AMPD3: variants seen among roughly 807,000 people sequenced by gnomAD.
AMPD3 encodes AMP deaminase 3.
AMPD3 carries 57 observed loss-of-function variants against 82.3 expected under a neutral mutation model. The ratio of observed to expected loss-of-function variants is 0.69; its 90% CI spans 0.56 to 0.86. The LOEUF is 0.86. Ranked by LOEUF, AMPD3 falls within the 40% of genes least tolerant of loss-of-function variation. AMPD3 has a pLI of 0.00. For missense variants in AMPD3, 870 were observed against 1,003.8 expected (o/e 0.87, Z 1.80); for synonymous variants, 381 against 394.7 (o/e 0.97, Z 0.41).
At position 10,482,070 on chromosome 11, in the gene AMPD3, T is replaced by C; in HGVS notation, c.434T>C (p.Leu145Ser). 6.2e-7 allele frequency: 1 copy of C among 1,614,204 alleles called. No homozygotes were observed. The highest frequency in any genetic ancestry group is 8.5e-7 in the Non-Finnish European group (1 of 1,180,038). Residue 145 changes from leucine to serine, a missense_variant, in exon 4 of 15, where the codon TTG (leucine) becomes TCG (serine). Physicochemically the swap from Leu to Ser is moderately radical, Grantham distance 145. Coordinates refer to ENST00000396553, the MANE Select transcript of AMPD3 (RefSeq NM_001025389.2). ...ISGDYCAGIT[L>S]EDYEQAAKSL... is the part of the protein sequence containing the mutation. ...CCTGCCTCCCTTCTGCAGATCACTT[T>C]GGAGGACTATGAGCAGGCAGCCAAG...
chr11:10,497,708 G>C, intron 10 of AMPD3: 1 of 985,248 alleles, frequency 1.0e-6, no homozygotes, highest in African/African-American at 1.7e-5. Context: ...AGTTGGCCCA[G>C]AAGAGAAGGT....
rs574645973 is a variant in AMPD3 at position 10,486,595 on chromosome 11, C to G, written c.810-640C>G. 26 of 985,344 alleles carry G rather than the reference C, an allele frequency of 2.6e-5. No homozygotes were observed. The African/African-American group carries it at 3.5e-4, about 13-fold the overall frequency. The allele number at this position is 985,344 out of a possible 1,614,324, so 61.0% of individuals were successfully genotyped here. A position where few individuals can be genotyped will look rare whatever the true frequency, so the allele number is the denominator to read the frequency against. On this transcript the variant is annotated intron_variant, in intron 5 of 14. Transcript: ENST00000396553. ...TCTCGGTAACAAATATCCCTACAGTCCCAATCCACCCATGATGCAAAATAT... is the reference window on the plus strand; with the variant it reads ...TCTCGGTAACAAATATCCCTACAGTGCCAATCCACCCATGATGCAAAATAT...
intron 9 of AMPD3, chr11:10,496,218 A>C: frequency 1.0e-6 from 1 of 985,392 alleles, no homozygotes; most frequent in Non-Finnish European, 1.2e-6. Flanking sequence ...TCCAGCTGAC[A>C]CTAGAACTCT....
chr11:10,462,643 A>G (rs1018512995), intron 2 of AMPD3, among the ~76,000 whole-genome samples: 37 of 152,190 alleles, frequency 2.4e-4, no homozygotes, highest in African/African-American at 8.9e-4. Context: ...GGAGAGGATG[A>G]GGAATGGATC....
intron 2 of AMPD3, 40 bp downstream of exon 2, chr11:10,461,780 T>A: frequency 1.9e-6 from 3 of 1,558,230 alleles, no homozygotes; most frequent in Non-Finnish European, 2.6e-6. Flanking sequence ...CATAGAGTCA[T>A]GCAGACCCAG....
intron 1 of AMPD3, among the ~76,000 whole-genome samples, chr11:10,458,420 T>G (rs981364184): frequency 3.3e-5 from 5 of 152,154 alleles, no homozygotes; most frequent in African/African-American, 1.2e-4. Context: ...CTCATTTTCT[T>G]TCTATTCTCT....
chr11:10,484,446 T>G, intron 4 of AMPD3: 1 of 985,368 alleles, frequency 1.0e-6, no homozygotes, highest in African/African-American at 1.7e-5. Flanking sequence ...TTTTTAATAT[T>G]CCTGGAATCT....
At chr11:10,461,886 A>G in intron 2 of AMPD3, 146 bp downstream of exon 2, 1 of 743,666 alleles carries the variant, frequency 1.3e-6, no homozygotes, top group South Asian at 1.6e-5. Context: ...CACTTAACTC[A>G]CCTCTTATTT....
chr11:10,502,531 A>T (rs977424699), intron 12 of AMPD3, 190 bp from the exon 13 acceptor site: 10 of 985,432 alleles, frequency 1.0e-5, no homozygotes, highest in Non-Finnish European at 1.2e-5. Context: ...TAGGAATGAG[A>T]TGAACAGTGG....
At chr11:10,454,850 C>G (rs937920552), upstream of AMPD3, among the ~76,000 whole-genome samples, 1 of 152,116 alleles carries the variant, frequency 6.6e-6, no homozygotes, top group Admixed American at 6.6e-5. Flanking sequence ...ACTGTAAGTT[C>G]ATTTAATTGT....
chr11:10,466,634 C>A (rs904052735), intron 2 of AMPD3, among the ~76,000 whole-genome samples: 1 of 152,176 alleles, frequency 6.6e-6, no homozygotes, highest in African/African-American at 2.4e-5. Context: ...CATAAATGTC[C>A]CTGCCTGACA....
intron 4 of AMPD3, chr11:10,484,047 G>T (rs7107588): frequency 0.14 from 20,948 of 153,650 alleles, 1,515 homozygotes; most frequent in South Asian, 0.24. Flanking sequence ...TTCATTATTT[G>T]TAGTGCATTA....
intron 5 of AMPD3, among the ~76,000 whole-genome samples, chr11:10,485,254 C>A (rs958847664): frequency 2.0e-5 from 3 of 152,064 alleles, no homozygotes; most frequent in Non-Finnish European, 4.4e-5. Flanking sequence ...CCTGTCCCCT[C>A]TTTTGTTTTT....
In AMPD3 at chr11:10,499,624, T is replaced by C. The variant is rs1849520072; in HGVS notation, c.1558-462T>C. ...CCTCCTGGGTTGCTCTGAATATGAATTAACTGACGTGAGTAAAGTGCTTTG... is the reference window on the plus strand; with the variant it reads ...CCTCCTGGGTTGCTCTGAATATGAACTAACTGACGTGAGTAAAGTGCTTTG... On this transcript the variant is annotated intron_variant, in intron 10 of 14. Transcript: ENST00000396553. 3.1e-6 allele frequency: 3 copies of C among 982,998 alleles called. No homozygotes were observed. In the African/African-American group the frequency reaches 5.2e-5, roughly 17 times the overall value. The allele number at this position is 982,998 out of a possible 1,614,324, so 60.9% of individuals were successfully genotyped here.
At chr11:10,469,287 G>C (rs1321658205) in intron 2 of AMPD3, among the ~76,000 whole-genome samples, 1 of 151,398 alleles carries the variant, frequency 6.6e-6, no homozygotes, top group Non-Finnish European at 1.5e-5. Context: ...GAATCAAATA[G>C]ACACAATAAA....
chr11:10,490,684 A>C, intron 6 of AMPD3: 1 of 983,558 alleles, frequency 1.0e-6, no homozygotes, highest in Non-Finnish European at 1.2e-6. Context: ...CTTGTGACTC[A>C]TGGGGGTAAG....
chr11:10,473,837 T>C (rs1459105476), intron 2 of AMPD3, among the ~76,000 whole-genome samples: 1 of 152,174 alleles, frequency 6.6e-6, no homozygotes, highest in African/African-American at 2.4e-5. Context: ...CCTATGGAAG[T>C]GGAGGATGCC....
intron 10 of AMPD3, chr11:10,497,737 G>T: frequency 1.0e-6 from 1 of 985,362 alleles, no homozygotes; most frequent in Non-Finnish European, 1.2e-6. Flanking sequence ...GTGGGGGCAG[G>T]GGTGAGAGTC....
At position 10,455,301 on chromosome 11, in the gene AMPD3, C is replaced by A; in HGVS notation, c.-153C>A. On this transcript the variant is annotated 5_prime_UTR_variant, in exon 1 of 15. Coordinates refer to ENST00000396553, the MANE Select transcript of AMPD3 (RefSeq NM_001025389.2). ...GGCAGATGAAGATCAGAGCTTTGCA[C>A]CCTGTGATGCCATTTTAATCAACCC... 1.0e-6 allele frequency: 1 copy of A among 985,466 alleles called. No homozygotes were observed. Among genetic ancestry groups the A allele is most frequent in the South Asian group, 4.7e-5 (1 of 21,274 alleles). 61.0% of individuals were successfully genotyped at this position (985,466 alleles called of 1,614,324 possible).
Sources: gnomAD v4.1 joint callset for allele counts (sites outside exome capture counted in the v4.1 genomes callset) on GRCh38, gnomAD v4.1.1 for gene constraint, MANE v1.5 for transcripts, NCBI Gene and HGNC (gene_info 2026-07-23, HGNC 2026-07-21) for gene names.